The following SPAG16 variants were observed in gnomAD, a reference collection of about 807,000 sequenced individuals.
The protein encoded by SPAG16 is sperm associated antigen 16.
In SPAG16, 86 loss-of-function variants were observed where a neutral mutation model predicts 80.4. The ratio of observed to expected loss-of-function variants is 1.07; its 90% CI spans 0.90 to 1.28. The LOEUF (loss-of-function observed/expected upper bound fraction) is 1.28, where lower values mean the gene tolerates loss of function less well. SPAG16 is among the 50% of genes most tolerant of loss of function. SPAG16 has a pLI of 0.00. For synonymous variants in SPAG16, 294 were observed against 265.9 expected (o/e 1.11, Z -1.03); for missense variants, 870 against 765.3 (o/e 1.14, Z -1.61).
At chr2:214,039,985 C>T (rs2048920548) in intron 13 of SPAG16, among the ~76,000 whole-genome samples, 1 of 152,188 alleles carries the variant, frequency 6.6e-6, no homozygotes, top group Non-Finnish European at 1.5e-5. Context: ...TGTCCTTCTG[C>T]ACACTCAGTC....
intron 13 of SPAG16, among the ~76,000 whole-genome samples, chr2:214,085,598 C>T (rs1862062): frequency 0.66 from 100,394 of 151,950 alleles, 33,540 homozygotes; most frequent in Middle Eastern, 0.7. Context: ...GTCCTTTACA[C>T]TGCCTTTAAA....
At chr2:214,218,168 C>T (rs1159872188) in intron 15 of SPAG16, among the ~76,000 whole-genome samples, 10 of 150,674 alleles carry the variant, frequency 6.6e-5, no homozygotes, top group Non-Finnish European at 4.4e-5. Context: ...TCGATTCTTA[C>T]ATCAGCTTCT....
chr2:214,335,242 G>GTGA (rs1220539329), intron 15 of SPAG16, among the ~76,000 whole-genome samples: 2 of 152,044 alleles, frequency 1.3e-5, no homozygotes, highest in African/African-American at 4.8e-5. Flanking sequence ...AAAATTTCCA[G>GTGA]TGATAGAGCC....
At chr2:214,368,002 A>G (rs563925842) in intron 15 of SPAG16, among the ~76,000 whole-genome samples, 165 of 152,274 alleles carry the variant, frequency 1.1e-3, no homozygotes, top group African/African-American at 3.7e-3. Context: ...TTGTGCAGAC[A>G]TGGTGGTTAG....
At chr2:213,359,604 G>C (rs894393703) in intron 7 of SPAG16, among the ~76,000 whole-genome samples, 3 of 152,204 alleles carry the variant, frequency 2.0e-5, no homozygotes, top group Admixed American at 6.5e-5. Flanking sequence ...AAATCTCCTG[G>C]TCTGCCAGTT....
intron 15 of SPAG16, among the ~76,000 whole-genome samples, chr2:214,335,211 G>A (rs1437316314): frequency 3.3e-5 from 5 of 152,062 alleles, no homozygotes; most frequent in Admixed American, 6.6e-5. Flanking sequence ...CAATGAGCAA[G>A]GAAGCTGTCT....
chr2:213,410,108 C>G (rs1415305819), intron 9 of SPAG16, among the ~76,000 whole-genome samples: 2 of 151,994 alleles, frequency 1.3e-5, no homozygotes, highest in Admixed American at 6.6e-5. Context: ...TCATCACACC[C>G]GAGTCAAGAA....
At chr2:213,722,813 C>G (rs1157691452) in intron 10 of SPAG16, among the ~76,000 whole-genome samples, 1 of 151,978 alleles carries the variant, frequency 6.6e-6, no homozygotes, top group Non-Finnish European at 1.5e-5. Flanking sequence ...GGGGAAATGT[C>G]AGAGCTGTAC....
At chr2:213,705,688 C>G (rs553690375) in intron 10 of SPAG16, among the ~76,000 whole-genome samples, 2 of 152,242 alleles carry the variant, frequency 1.3e-5, no homozygotes, top group East Asian at 3.9e-4. Flanking sequence ...TACTTCTAAA[C>G]TCCCTTAAAG....
chr2:213,883,853 G>C (rs1170238932), intron 11 of SPAG16, among the ~76,000 whole-genome samples: 1 of 152,076 alleles, frequency 6.6e-6, no homozygotes, highest in African/African-American at 2.4e-5. Flanking sequence ...TATGCTTTCT[G>C]TTTTTATAGT....
At chr2:213,921,348 TTTG>T (rs547688624) in intron 11 of SPAG16, among the ~76,000 whole-genome samples, 8 of 152,218 alleles carry the variant, frequency 5.3e-5, no homozygotes, top group Admixed American at 3.9e-4. Flanking sequence ...CATTTTTGTG[TTTG>T]TTGTTGTTGT....
At position 213,913,179 on chromosome 2, in the gene SPAG16, C is replaced by G. The variant is rs1575533887; in HGVS notation, c.1215-16781C>G. On this transcript the variant is annotated intron_variant, in intron 11 of 15. Transcript: ENST00000331683. ...TTATTTTTTCCTCAATATAGTGTCT[C>G]TACATTTTATCCACATTGTTATGTG... Among the ~76,000 whole-genome samples the G allele has an allele frequency of 2.0e-5, 3 of 152,162 alleles. No individual in the cohort carries two copies. The South Asian group carries it at 6.2e-4, about 32-fold the overall frequency.
At chr2:213,511,288 G>A (rs770366749) in intron 10 of SPAG16, among the ~76,000 whole-genome samples, 3 of 152,088 alleles carry the variant, frequency 2.0e-5, no homozygotes, top group Non-Finnish European at 2.9e-5. Context: ...GAGCTAGGAT[G>A]ATTCTCAAAT....
chr2:213,337,504 A>T (rs2064430543), intron 5 of SPAG16, among the ~76,000 whole-genome samples: 1 of 152,228 alleles, frequency 6.6e-6, no homozygotes, highest in Admixed American at 6.5e-5. Flanking sequence ...GTTTACCAAC[A>T]TAACTAGTAT....
intron 15 of SPAG16, among the ~76,000 whole-genome samples, chr2:214,349,670 A>C (rs925675088): frequency 4.6e-5 from 7 of 152,298 alleles, no homozygotes; most frequent in African/African-American, 1.7e-4. Context: ...GCATTCTCCA[A>C]ATTGTTAGTA....
At chr2:213,392,330 A>G (rs1313404115) in intron 9 of SPAG16, among the ~76,000 whole-genome samples, 2 of 152,158 alleles carry the variant, frequency 1.3e-5, no homozygotes, top group Non-Finnish European at 2.9e-5. Context: ...TTTTGCCTAA[A>G]GTGTCATTGC....
At chr2:214,344,972 T>C (rs1311751149) in intron 15 of SPAG16, among the ~76,000 whole-genome samples, 1 of 152,168 alleles carries the variant, frequency 6.6e-6, no homozygotes, top group South Asian at 2.1e-4. Context: ...CAGATATATA[T>C]TTATTCATTG....
At chr2:213,671,056 T>TAA (rs1423776837) in intron 10 of SPAG16, among the ~76,000 whole-genome samples, 1 of 152,206 alleles carries the variant, frequency 6.6e-6, no homozygotes, top group Non-Finnish European at 1.5e-5. Context: ...CCCTGATCAA[T>TAA]TCCCAGATTA....
At chr2:214,258,612 C>T (rs1021045228) in intron 15 of SPAG16, among the ~76,000 whole-genome samples, 26 of 151,752 alleles carry the variant, frequency 1.7e-4, no homozygotes, top group Non-Finnish European at 1.5e-5. Flanking sequence ...CATGCGGGGG[C>T]AAGTGTCTTT....
Sources: allele counts gnomAD v4.1 joint callset (sites outside exome capture counted in the v4.1 genomes callset), GRCh38; gene constraint gnomAD v4.1.1; transcripts MANE v1.5; gene names NCBI Gene and HGNC (gene_info 2026-07-23, HGNC 2026-07-21).